MLXIP: variants seen among roughly 807,000 people sequenced by gnomAD.
The protein encoded by MLXIP is MLX interacting protein.
Under a neutral mutation model 87.2 loss-of-function variants are expected in MLXIP, and 30 were observed. The observed-to-expected ratio is 0.34, with a 90% confidence interval of 0.26 to 0.47. The LOEUF (loss-of-function observed/expected upper bound fraction) is 0.47, where lower values mean the gene tolerates loss of function less well. Ranked by LOEUF, MLXIP falls within the 20% of genes least tolerant of loss-of-function variation. MLXIP has a pLI of 1.00. For synonymous variants in MLXIP, 530 were observed against 514.0 expected, an observed-to-expected ratio of 1.03 and a Z score of -0.42; for missense variants, 1,002 against 1,240.1, an observed-to-expected ratio of 0.81 and a Z score of 2.88.
intron 1 of MLXIP, among the ~76,000 whole-genome samples, chr12:122,108,140 C>T (rs112563586): frequency 0.011 from 1,739 of 151,974 alleles, 30 homozygotes; most frequent in African/African-American, 0.039. Context: ...GAGGCTGAGG[C>T]GGGTGAATCA....
chr12:122,110,081 T>A (rs1193773177), intron 1 of MLXIP, among the ~76,000 whole-genome samples: 1 of 152,148 alleles, frequency 6.6e-6, no homozygotes, highest in African/African-American at 2.4e-5. Flanking sequence ...TTCCAGACCC[T>A]TAAAACTGAA....
At chr12:122,095,133 G>A (rs1306496786) in intron 1 of MLXIP, among the ~76,000 whole-genome samples, 5 of 145,668 alleles carry the variant, frequency 3.4e-5, no homozygotes, top group African/African-American at 1.3e-4. Flanking sequence ...GTGGGTATGT[G>A]TGTGGTGTCT....
chr12:122,121,329 A>T (rs868647024), intron 1 of MLXIP, among the ~76,000 whole-genome samples: 2,687 of 60,248 alleles, frequency 0.045, 95 homozygotes, highest in African/African-American at 0.16. Context: ...TTTTTTTTTT[A>T]AATTGAGATG....
rs201291017 is a variant in MLXIP at position 122,097,848 on chromosome 12, C to CG, written c.413+18582_413+18583insG. On this transcript the variant is annotated intron_variant, in intron 1 of 16. Coordinates refer to ENST00000319080, the MANE Select transcript of MLXIP (RefSeq NM_014938.6). ...CTTTAGTTTTGGAATCCATGGGTTCCCCCTCCCCACAAGAAACCTTGGCAG... is the reference window on the plus strand; with the variant it reads ...CTTTAGTTTTGGAATCCATGGGTTCCGCCCTCCCCACAAGAAACCTTGGCAG... Among the ~76,000 whole-genome samples the CG allele has an allele frequency of 1.2e-3, 177 of 151,604 alleles. 1 individual carries two copies. Among genetic ancestry groups the CG allele is most frequent in the East Asian group, 9.5e-3 (49 of 5,132 alleles).
At chr12:122,121,354 T>TGCCCA (rs2135958744) in intron 1 of MLXIP, among the ~76,000 whole-genome samples, 1 of 140,902 alleles carries the variant, frequency 7.1e-6, no homozygotes, top group South Asian at 2.3e-4. Context: ...CTTGCTCTGC[T>TGCCCA]GCCCAGGCTG....
chr12:122,084,523 G>A (rs1372236949), intron 1 of MLXIP, among the ~76,000 whole-genome samples: 2 of 152,198 alleles, frequency 1.3e-5, no homozygotes, highest in Non-Finnish European at 2.9e-5. Flanking sequence ...CATTTATTAT[G>A]TTCCACATTC....
Position 122,144,569 on chromosome 12 carries a change from G to A in MLXIP, c.*2757G>A, listed in dbSNP as rs925792836. Reference sequence around the variant, plus strand: ...ACACTGTACTCCAGCCTGGATGACAGAGTGAAACCCTGCCTCTAAATAAAA... The same window carrying A: ...ACACTGTACTCCAGCCTGGATGACAAAGTGAAACCCTGCCTCTAAATAAAA... On this transcript the variant is annotated 3_prime_UTR_variant, in exon 17 of 17. Coordinates refer to ENST00000319080, the MANE Select transcript of MLXIP (RefSeq NM_014938.6). 3.3e-5 allele frequency: 5 copies of A among 152,132 alleles called. No individual in the cohort carries two copies. The highest frequency in any genetic ancestry group is 2.0e-4 in the Admixed American group (3 of 15,252). 9.4% of individuals were successfully genotyped at this position (152,132 alleles called of 1,614,324 possible).
chr12:122,117,983 A>T (rs1952718425), intron 1 of MLXIP, among the ~76,000 whole-genome samples: 1 of 152,212 alleles, frequency 6.6e-6, no homozygotes, highest in Admixed American at 6.5e-5. Context: ...ACTTAATGAA[A>T]GCACTTTAAG....
chr12:122,124,822 G>A (rs1952854231), intron 1 of MLXIP, among the ~76,000 whole-genome samples: 1 of 152,032 alleles, frequency 6.6e-6, no homozygotes, highest in South Asian at 2.1e-4. Context: ...CTTGAGGTCA[G>A]GGGTTCAAAA....
In MLXIP at chr12:122,133,240, CCT is replaced by C; in HGVS notation, c.1093-105_1093-104del. The C allele has an allele frequency of 7.5e-7, 1 of 1,325,532 alleles. No homozygotes were observed. Among genetic ancestry groups the C allele is most frequent in the East Asian group, 2.4e-5 (1 of 42,080 alleles). 82.1% of individuals were successfully genotyped at this position (1,325,532 alleles called of 1,614,324 possible). A position where few individuals can be genotyped will look rare whatever the true frequency, so the allele number is the denominator to read the frequency against. On this transcript the variant is annotated intron_variant, in intron 8 of 16. Coordinates refer to ENST00000319080, the MANE Select transcript of MLXIP (RefSeq NM_014938.6). The surrounding 1 kb of genome is among the most constrained non-coding windows in gnomAD (Gnocchi z 4.9). Reference sequence around the variant, plus strand: ...TGGACGTGGAGACGTGGCCTTTGTCCCTCTGTCCCAGCGCCCGGCCTGTGTAG... The same window carrying C: ...TGGACGTGGAGACGTGGCCTTTGTCCCTGTCCCAGCGCCCGGCCTGTGTAG...
At chr12:122,102,227 A>C (rs897879090) in intron 1 of MLXIP, among the ~76,000 whole-genome samples, 2 of 152,204 alleles carry the variant, frequency 1.3e-5, no homozygotes, top group African/African-American at 4.8e-5. Flanking sequence ...ATATATAAAG[A>C]ATTCTACAAA....
At chr12:122,106,509 G>T (rs966054628) in intron 1 of MLXIP, among the ~76,000 whole-genome samples, 2 of 151,122 alleles carry the variant, frequency 1.3e-5, no homozygotes, top group African/African-American at 2.4e-5. Context: ...TTGCTGGGAT[G>T]TTCCACTCCC....
intron 1 of MLXIP, among the ~76,000 whole-genome samples, chr12:122,092,389 G>A (rs897308973): frequency 5.3e-5 from 8 of 152,128 alleles, no homozygotes; most frequent in African/African-American, 1.9e-4. Context: ...GTGAACCACT[G>A]AGCCCAGTCA....
intron 8 of MLXIP, 171 bp downstream of exon 8, chr12:122,132,554 A>C: frequency 1.6e-6 from 1 of 606,162 alleles, no homozygotes; most frequent in Non-Finnish European, 2.9e-6. Flanking sequence ...TCCCTCTTTT[A>C]CAGCATCCTT....
intron 3 of MLXIP, chr12:122,128,285 T>C (rs1952914786): frequency 4.5e-6 from 1 of 221,920 alleles, no homozygotes. Flanking sequence ...GAAGTGTCTT[T>C]ATTAAGAGAC....
intron 1 of MLXIP, among the ~76,000 whole-genome samples, chr12:122,094,892 G>GT (rs1952325188): frequency 6.8e-6 from 1 of 148,098 alleles, no homozygotes; most frequent in Admixed American, 6.7e-5. Context: ...GGTACGTATG[G>GT]GGAGTGTGTG....
At position 122,135,409 on chromosome 12, in the gene MLXIP, G is replaced by A. The variant is rs73219857; in HGVS notation, c.1854+64G>A. On this transcript the variant is annotated intron_variant, in intron 10 of 16. Coordinates refer to ENST00000319080, the MANE Select transcript of MLXIP (RefSeq NM_014938.6). This position sits in a 1 kb window ranked among gnomAD's most constrained non-coding sequence, Gnocchi z 5.3. ...ACCCCGGAGCACTCTGATCTTGGGC[G>A]GCCCTCACCTGAGACGACTGGTGTG... The A allele has an allele frequency of 6.0e-4, 953 of 1,600,012 alleles. 3 individuals are homozygous for A. Among genetic ancestry groups the A allele is most frequent in the Admixed American group, 1.9e-3 (115 of 59,098 alleles).
rs1019385585 is a variant in MLXIP, at chr12:122,135,942, C to T, written c.2032+276C>T. 4.9e-6 allele frequency: 2 copies of T among 406,768 alleles called. No homozygotes were observed. The highest frequency in any genetic ancestry group is 8.4e-5 in the Admixed American group (2 of 23,936). 25.2% of individuals were successfully genotyped at this position (406,768 alleles called of 1,614,324 possible). A position where few individuals can be genotyped will look rare whatever the true frequency, so the allele number is the denominator to read the frequency against. ...GTCCCTGCTGACTGCCCACGAAGGC[C>T]TGGTACTGAGCTGCTGATCTCACCC... On this transcript the variant is annotated intron_variant, in intron 11 of 16. Transcript: ENST00000319080. This position sits in a 1 kb window ranked among gnomAD's most constrained non-coding sequence, Gnocchi z 5.3.
intron 1 of MLXIP, among the ~76,000 whole-genome samples, chr12:122,096,386 A>C (rs1241854762): frequency 6.7e-6 from 1 of 149,524 alleles, no homozygotes; most frequent in Non-Finnish European, 1.5e-5. Context: ...TGTTCCATTC[A>C]TCTCTGTTTT....
Sources: allele counts gnomAD v4.1 joint callset (sites outside exome capture counted in the v4.1 genomes callset), GRCh38; gene constraint gnomAD v4.1.1; non-coding constraint Gnocchi (gnomAD v3.1); transcripts MANE v1.5; gene names NCBI Gene and HGNC (gene_info 2026-07-23, HGNC 2026-07-21).